Variants in BAZ1A observed in about 807,000 individuals in gnomAD.
The protein encoded by BAZ1A is bromodomain adjacent to zinc finger domain protein 1A.
BAZ1A carries 50 observed loss-of-function variants against 185.2 expected under a neutral mutation model. The ratio of observed to expected loss-of-function variants is 0.27; its 90% CI spans 0.22 to 0.34. The LOEUF is 0.34. Among genes scored for constraint, BAZ1A ranks in the 10% least tolerant of loss-of-function variants. The pLI, the probability that BAZ1A is intolerant of heterozygous loss-of-function variation, is 1.00. For missense variants in BAZ1A, 1,356 were observed against 1,839.9 expected, an observed-to-expected ratio of 0.74 and a Z score of 4.81; for synonymous variants, 571 against 615.6, an observed-to-expected ratio of 0.93 and a Z score of 1.07.
At chr14:34,773,753 C>G (rs751517514) in intron 19 of BAZ1A, 27 bp from the exon 20 acceptor site, 6 of 1,608,738 alleles carry the variant, frequency 3.7e-6, no homozygotes, top group Non-Finnish European at 5.1e-6. Flanking sequence ...ACTTACTAAC[C>G]ATGAAAAATG....
intron 3 of BAZ1A, 57 bp downstream of exon 3, chr14:34,861,987 G>T: frequency 6.4e-7 from 1 of 1,555,366 alleles, no homozygotes; most frequent in South Asian, 1.2e-5. Flanking sequence ...TGTGTGTTTT[G>T]GATTTTGAGC....
intron 4 of BAZ1A, among the ~76,000 whole-genome samples, chr14:34,820,347 G>T (rs937329569): frequency 2.0e-5 from 3 of 151,998 alleles, no homozygotes; most frequent in Non-Finnish European, 4.4e-5. Flanking sequence ...GCCCAGGCTG[G>T]TCTCAAACTC....
intron 3 of BAZ1A, among the ~76,000 whole-genome samples, chr14:34,859,109 T>C (rs1221052913): frequency 6.6e-6 from 1 of 152,160 alleles, no homozygotes; most frequent in Non-Finnish European, 1.5e-5. Context: ...ATTATGTTGT[T>C]ATTTCACACT....
chr14:34,796,861 A>G (rs1182496666), intron 9 of BAZ1A, among the ~76,000 whole-genome samples: 1 of 152,246 alleles, frequency 6.6e-6, no homozygotes. Flanking sequence ...CCCCAACCTC[A>G]GAAATAATTC....
chr14:34,766,790 A>G (rs1878874162), intron 21 of BAZ1A, among the ~76,000 whole-genome samples: 1 of 152,250 alleles, frequency 6.6e-6, no homozygotes, highest in Non-Finnish European at 1.5e-5. Context: ...ATTTTCACAG[A>G]TGAAATCTGA....
intron 2 of BAZ1A, among the ~76,000 whole-genome samples, chr14:34,864,201 T>C (rs2042817076): frequency 6.6e-6 from 1 of 152,088 alleles, no homozygotes; most frequent in South Asian, 2.1e-4. Context: ...TGGAGTGCAG[T>C]GGTACGATCT....
At position 34,761,765 on chromosome 14, in the gene BAZ1A, T is replaced by G; in HGVS notation, c.4235A>C (p.Gln1412Pro). ...TTTAGATTTCTTCATACCTGGAGAT[T>G]GTCTTTTTCTGCATCTTCTTTTGGA... ...SESKRRCRKR[Q>P]SPEPSPVTLG... Residue 1412 changes from glutamine to proline, a missense_variant, in exon 24 of 27, where the codon CAA (glutamine) becomes CCA (proline). Physicochemically the swap from Gln to Pro is moderately conservative, Grantham distance 76. Transcript: ENST00000360310. The G allele has an allele frequency of 6.2e-7, 1 of 1,609,666 alleles. No homozygotes were observed. Among genetic ancestry groups the G allele is most frequent in the Non-Finnish European group, 8.5e-7 (1 of 1,176,794 alleles).
rs771248062 is a variant in BAZ1A, at chr14:34,773,642, T to C, written c.3082A>G (p.Ile1028Val). 6.2e-7 allele frequency: 1 copy of C among 1,613,458 alleles called. No homozygotes were observed. The highest frequency in any genetic ancestry group is 8.5e-7 in the Non-Finnish European group (1 of 1,179,572). Reference sequence around the variant, plus strand: ...TCTACGTCTTCATTCACAGTTTTAATTATCCCATTTTCCTTGTTTTCCTCA... The same window carrying C: ...TCTACGTCTTCATTCACAGTTTTAACTATCCCATTTTCCTTGTTTTCCTCA... ...LSEENKENGIIKTVNEDVEEM... is the reference protein window; with the variant it reads ...LSEENKENGIVKTVNEDVEEM... The change falls in exon 20 of 27, where the codon ATT becomes GTT. Residue 1028 changes from isoleucine (I) to valine (V), a missense_variant. Ile to Val is a conservative substitution (Grantham distance 29). Transcript: ENST00000360310.
Position 34,764,948 on chromosome 14 carries a change from T to C in BAZ1A, c.3550-15A>G, listed in dbSNP as rs765188052. ...TCAGGCACAGTCTGAAAAAATCACA[T>C]AAATGATCATTAATCATCTATTGCT... On this transcript the variant is annotated splice_polypyrimidine_tract_variant and intron_variant, in intron 22 of 26. Transcript: ENST00000360310. The C allele has an allele frequency of 6.2e-7, 1 of 1,613,922 alleles. No individual in the cohort carries two copies. The highest frequency in any genetic ancestry group is 2.2e-5 in the East Asian group (1 of 44,878).
chr14:34,875,104 C>G (rs983297564), intron 1 of BAZ1A, 34 bp downstream of exon 1: 1 of 363,458 alleles, frequency 2.8e-6, no homozygotes, highest in African/African-American at 2.1e-5. Context: ...TCCACTTCCC[C>G]GCCGGCGCCG....
chr14:34,791,148 A>G (rs77730472), intron 12 of BAZ1A, among the ~76,000 whole-genome samples: 1 of 151,434 alleles, frequency 6.6e-6, no homozygotes, highest in Non-Finnish European at 1.5e-5. Context: ...AGAGAAGAGA[A>G]AAGAGAAGAG....
At chr14:34,854,706 G>T (rs983667713) in intron 3 of BAZ1A, among the ~76,000 whole-genome samples, 1 of 152,100 alleles carries the variant, frequency 6.6e-6, no homozygotes, top group African/African-American at 2.4e-5. Flanking sequence ...TCCAAATCCT[G>T]CCCTTCGCTA....
chr14:34,756,257 G>A (rs1297454615), intron 25 of BAZ1A, among the ~76,000 whole-genome samples: 1 of 151,328 alleles, frequency 6.6e-6, no homozygotes, highest in East Asian at 1.9e-4. Context: ...GGGACTACAG[G>A]TGTGTGCCAC....
intron 9 of BAZ1A, 118 bp downstream of exon 9, chr14:34,800,106 G>A: frequency 9.9e-7 from 1 of 1,012,490 alleles, no homozygotes; most frequent in South Asian, 2.7e-5. Context: ...AACTTTCTAT[G>A]CACATTCATA....
In BAZ1A at chr14:34,795,758, T is replaced by C; in HGVS notation, c.1136A>G (p.Glu379Gly). Residue 379 changes from glutamate (E) to glycine (G), a missense_variant, in exon 10 of 27, where the codon GAG becomes GGG. By Grantham distance (98) the Glu-to-Gly change is moderately conservative. Transcript: ENST00000360310. ...CTTTCGCTTTTCTTCACGTAACTTCTCTCTTTCCTAGAAATTTTTAAAAGT... is the reference window on the plus strand; with the variant it reads ...CTTTCGCTTTTCTTCACGTAACTTCCCTCTTTCCTAGAAATTTTTAAAAGT... ...RLKVEREKER[E>G]KLREEKRKYV... 6.2e-7 allele frequency: 1 copy of C among 1,609,878 alleles called. No individual in the cohort carries two copies.
intron 9 of BAZ1A, among the ~76,000 whole-genome samples, chr14:34,796,041 T>A (rs1881172947): frequency 6.6e-6 from 1 of 152,138 alleles, no homozygotes. Flanking sequence ...GGCTCACACA[T>A]GTAATCCCAG....
chr14:34,863,320 C>CA (rs2042802902), intron 2 of BAZ1A, among the ~76,000 whole-genome samples: 2 of 151,664 alleles, frequency 1.3e-5, no homozygotes, highest in Non-Finnish European at 2.9e-5. Context: ...TGTGCCACCA[C>CA]GCCCGGCTAA....
rs1879579986 is a variant in BAZ1A, at chr14:34,776,051, G to T, written c.2701C>A (p.Leu901Ile). ...TTAAGAGCTTCAATAAGCTGGTCTA[G>T]CTGTTCACAAGAACTGTAAAAGCAC... ...RWCFYSSCEQ[L>I]DQLIEALNSR... Residue 901 changes from leucine to isoleucine, a missense_variant, in exon 18 of 27, where the codon CTA (leucine) becomes ATA (isoleucine). Around this residue, in one of 7 missense-constraint regions of BAZ1A, gnomAD observed 434 missense variants for 561.7 expected, o/e 0.77. Coordinates refer to ENST00000360310, the MANE Select transcript of BAZ1A (RefSeq NM_013448.3). 1.2e-6 allele frequency: 2 copies of T among 1,614,066 alleles called. No homozygotes were observed. Among genetic ancestry groups the T allele is most frequent in the Non-Finnish European group, 1.7e-6 (2 of 1,180,024 alleles).
chr14:34,810,475 TAC>T (rs2041914724), intron 5 of BAZ1A, among the ~76,000 whole-genome samples: 1 of 152,252 alleles, frequency 6.6e-6, no homozygotes, highest in Non-Finnish European at 1.5e-5. Context: ...TAATGAATAC[TAC>T]AAACGTGACG....
Sources: gnomAD v4.1 joint callset for allele counts (sites outside exome capture counted in the v4.1 genomes callset) on GRCh38, gnomAD v4.1.1 for gene constraint, gnomAD v4.1.1 regional missense constraint, MANE v1.5 for transcripts, NCBI Gene and HGNC (gene_info 2026-07-23, HGNC 2026-07-21) for gene names.